TRDN: variants seen among roughly 807,000 people sequenced by gnomAD.
TRDN encodes triadin in skeletal muscle.
A neutral mutation model predicts 149.7 loss-of-function variants in TRDN; 161 were observed. The observed-to-expected ratio is 1.08, with a 90% confidence interval of 0.95 to 1.23. The LOEUF (loss-of-function observed/expected upper bound fraction) is 1.23, where lower values mean the gene tolerates loss of function less well. TRDN is among the 50% of genes most tolerant of loss of function. The probability of loss-of-function intolerance (pLI) is 0.00; values close to 1 mark genes in which losing one functional copy is unlikely to be tolerated. For synonymous variants in TRDN, 294 were observed against 250.5 expected, an observed-to-expected ratio of 1.17 and a Z score of -1.64; for missense variants, 896 against 823.5, an observed-to-expected ratio of 1.09 and a Z score of -1.08.
chr6:123,490,283 T>C (rs6941565), intron 9 of TRDN, among the ~76,000 whole-genome samples: 2 of 151,992 alleles, frequency 1.3e-5, no homozygotes, highest in Non-Finnish European at 2.9e-5. Flanking sequence ...CTGAATTCTA[T>C]GTATGCTGTG....
intron 1 of TRDN, among the ~76,000 whole-genome samples, chr6:123,628,346 G>A (rs1295320743): frequency 1.3e-5 from 2 of 151,758 alleles, no homozygotes; most frequent in African/African-American, 2.4e-5. Flanking sequence ...AGAGATAGTG[G>A]GAATGTCTAG....
intron 1 of TRDN, among the ~76,000 whole-genome samples, chr6:123,593,811 A>T (rs956103847): frequency 1.3e-5 from 2 of 152,206 alleles, no homozygotes; most frequent in Admixed American, 1.3e-4. Context: ...GGAAGATACA[A>T]TTCAACCTAT....
intron 22 of TRDN, among the ~76,000 whole-genome samples, chr6:123,336,579 T>C (rs1779879058): frequency 6.6e-6 from 1 of 151,928 alleles, no homozygotes; most frequent in Admixed American, 6.6e-5. Flanking sequence ...TGTACCTCCT[T>C]TATGATTATT....
At chr6:123,353,588 A>C (rs1304770307) in intron 20 of TRDN, among the ~76,000 whole-genome samples, 2 of 151,820 alleles carry the variant, frequency 1.3e-5, no homozygotes, top group African/African-American at 2.4e-5. Context: ...TAGACCAATC[A>C]AAAATGTCTA....
intron 21 of TRDN, among the ~76,000 whole-genome samples, chr6:123,341,088 A>T (rs538446054): frequency 4.6e-5 from 7 of 152,020 alleles, no homozygotes; most frequent in South Asian, 4.1e-4. Context: ...CCAACATATA[A>T]AATTTATAAG....
chr6:123,577,507 A>C (rs9401682), intron 1 of TRDN, among the ~76,000 whole-genome samples: 1 of 151,998 alleles, frequency 6.6e-6, no homozygotes, highest in Non-Finnish European at 1.5e-5. Flanking sequence ...ATAGTATTCC[A>C]TGGTGTATAT....
intron 7 of TRDN, among the ~76,000 whole-genome samples, chr6:123,504,105 T>C (rs1023238008): frequency 1.3e-5 from 2 of 151,880 alleles, no homozygotes; most frequent in Non-Finnish European, 2.9e-5. Flanking sequence ...CAGAGTTTTA[T>C]ACAGTTTATG....
intron 20 of TRDN, among the ~76,000 whole-genome samples, chr6:123,358,589 C>G (rs1037530804): frequency 1.3e-5 from 2 of 151,976 alleles, no homozygotes; most frequent in African/African-American, 4.8e-5. Context: ...CTTAGCCTCC[C>G]GAGTAGCTGG....
At chr6:123,331,742 T>A (rs1779667355) in intron 23 of TRDN, 137 bp downstream of exon 23, 1 of 553,664 alleles carries the variant, frequency 1.8e-6, no homozygotes, top group Non-Finnish European at 3.0e-6. Flanking sequence ...ATATAAATCT[T>A]TTTTCTTTTG....
intron 33 of TRDN, among the ~76,000 whole-genome samples, chr6:123,264,032 G>A (rs576655607): frequency 1.1e-4 from 16 of 152,018 alleles, no homozygotes; most frequent in South Asian, 2.1e-4. Flanking sequence ...GGAGCTGTAC[G>A]AGGAGATTAA....
At chr6:123,627,085 C>T (rs1252535521) in intron 1 of TRDN, among the ~76,000 whole-genome samples, 3 of 151,870 alleles carry the variant, frequency 2.0e-5, no homozygotes, top group Admixed American at 6.6e-5. Context: ...CCTGCCACCA[C>T]GCCCAGCTGA....
intron 5 of TRDN, chr6:123,529,542 G>A (rs1414733462): frequency 1.6e-5 from 9 of 578,704 alleles, no homozygotes; most frequent in South Asian, 1.5e-4. Flanking sequence ...CAACAACATG[G>A]CATTGTATTA....
chr6:123,231,602 T>C (rs1775604519), intron 38 of TRDN, among the ~76,000 whole-genome samples: 3 of 152,062 alleles, frequency 2.0e-5, no homozygotes, highest in Admixed American at 2.0e-4. Flanking sequence ...ACTCCTGGGC[T>C]TAGAAATGTA....
intron 1 of TRDN, among the ~76,000 whole-genome samples, chr6:123,579,520 A>T (rs1194188139): frequency 6.6e-6 from 1 of 152,144 alleles, no homozygotes; most frequent in Admixed American, 6.5e-5. Flanking sequence ...TAGCTTTTTG[A>T]TGTGCTGACG....
intron 4 of TRDN, among the ~76,000 whole-genome samples, chr6:123,541,156 C>A (rs575642289): frequency 1.4e-4 from 22 of 152,256 alleles, no homozygotes; most frequent in African/African-American, 4.1e-4. Context: ...AAATATAACA[C>A]CAATGAAATT....
chr6:123,635,532 T>C (rs1786264744), intron 1 of TRDN, among the ~76,000 whole-genome samples: 1 of 151,868 alleles, frequency 6.6e-6, no homozygotes, highest in African/African-American at 2.4e-5. Context: ...ACCTAACACA[T>C]AGAAATCTCT....
rs1774990903 is a variant in TRDN, at chr6:123,217,002, T to A, written c.*1599A>T. 1 of 151,936 alleles carries A rather than the reference T, an allele frequency of 6.6e-6. No homozygotes were observed. 9.4% of individuals were successfully genotyped at this position (151,936 alleles called of 1,614,324 possible). A position where few individuals can be genotyped will look rare whatever the true frequency, so the allele number is the denominator to read the frequency against. ...CTTTATGCACTCTCCTACCCACAAG[T>A]TTAGATTGTCACCTGAAGGGGCTTT... On this transcript the variant is annotated 3_prime_UTR_variant, in exon 41 of 41. Coordinates refer to ENST00000334268, the MANE Select transcript of TRDN (RefSeq NM_006073.4).
chr6:123,314,620 A>G lies in TRDN; in HGVS notation c.1510+1837T>C, dbSNP rs548937289. Among the ~76,000 whole-genome samples the G allele has an allele frequency of 2.6e-5, 4 of 152,192 alleles. No homozygotes were observed. The East Asian group carries it at 7.7e-4, about 29-fold the overall frequency. ...AATGCTCATCAATGATAGACTGGAT[A>G]AATAAAATGTGGTACATATATACCA... On this transcript the variant is annotated intron_variant, in intron 24 of 40. Transcript: ENST00000334268.
intron 19 of TRDN, among the ~76,000 whole-genome samples, chr6:123,375,250 A>C: frequency 6.6e-6 from 1 of 152,304 alleles, no homozygotes; most frequent in East Asian, 1.9e-4. Flanking sequence ...CATAGTAGAC[A>C]AATTAGGTTG....
Sources: gnomAD v4.1 joint callset for allele counts (sites outside exome capture counted in the v4.1 genomes callset) on GRCh38, gnomAD v4.1.1 for gene constraint, MANE v1.5 for transcripts, NCBI Gene and HGNC (gene_info 2026-07-23, HGNC 2026-07-21) for gene names.